Variants in PDE4D observed in about 807,000 individuals in gnomAD.
PDE4D encodes the protein 3',5'-cyclic-AMP phosphodiesterase 4D.
PDE4D carries 24 observed loss-of-function variants against 87.4 expected under a neutral mutation model. The ratio of observed to expected loss-of-function variants is 0.27; its 90% CI spans 0.20 to 0.39. The LOEUF (loss-of-function observed/expected upper bound fraction) is 0.39, where lower values mean the gene tolerates loss of function less well. PDE4D is among the 10% of genes least tolerant of loss of function. PDE4D has a pLI of 1.00. For missense variants in PDE4D, 714 were observed against 1,041.0 expected (o/e 0.69, Z 4.32); for synonymous variants, 384 against 383.2 (o/e 1.00, Z -0.02).
At chr5:59,235,409 A>ATAAG (rs1756191049) in intron 1 of PDE4D, among the ~76,000 whole-genome samples, 1 of 152,302 alleles carries the variant, frequency 6.6e-6, no homozygotes, top group South Asian at 2.1e-4. Flanking sequence ...ACCCTGGGCA[A>ATAAG]TAAGTGATGG....
At chr5:59,263,323 G>A (rs767696569) in intron 1 of PDE4D, among the ~76,000 whole-genome samples, 14 of 151,832 alleles carry the variant, frequency 9.2e-5, no homozygotes, top group South Asian at 2.1e-4. Context: ...GGAGAGGTAC[G>A]TGAGACAGAA....
intron 1 of PDE4D, among the ~76,000 whole-genome samples, chr5:59,255,197 G>A (rs559432022): frequency 1.1e-3 from 165 of 152,184 alleles, no homozygotes; most frequent in African/African-American, 3.7e-3. Context: ...GCAAAATGTG[G>A]TATATTCATA....
intron 1 of PDE4D, among the ~76,000 whole-genome samples, chr5:60,395,302 G>GC (rs1762814490): frequency 6.7e-6 from 1 of 150,190 alleles, no homozygotes; most frequent in African/African-American, 2.4e-5. Context: ...AAAATGTAAG[G>GC]TTTTTTTTTT....
At chr5:60,137,024 C>G (rs6887486) in intron 2 of PDE4D, among the ~76,000 whole-genome samples, 14 of 151,986 alleles carry the variant, frequency 9.2e-5, no homozygotes, top group African/African-American at 1.7e-4. Flanking sequence ...TGTGTCCATG[C>G]GTTCTGATCA....
chr5:59,372,820 G>A (rs1323602304), intron 1 of PDE4D, among the ~76,000 whole-genome samples: 2 of 152,150 alleles, frequency 1.3e-5, no homozygotes, highest in African/African-American at 2.4e-5. Flanking sequence ...ACCCCTAGCT[G>A]AGTGGATTCC....
intron 1 of PDE4D, among the ~76,000 whole-genome samples, chr5:59,322,439 T>G (rs1774883191): frequency 1.3e-5 from 2 of 152,040 alleles, no homozygotes; most frequent in East Asian, 1.9e-4. Flanking sequence ...GTCATCCCTT[T>G]GAAAAGCACA....
chr5:60,320,908 C>T (rs1050299587), intron 1 of PDE4D, among the ~76,000 whole-genome samples: 1 of 152,078 alleles, frequency 6.6e-6, no homozygotes, highest in African/African-American at 2.4e-5. Flanking sequence ...GGAAATAACA[C>T]AATCCAATAA....
At chr5:59,428,833 A>C (rs1458684886) in intron 1 of PDE4D, among the ~76,000 whole-genome samples, 1 of 152,146 alleles carries the variant, frequency 6.6e-6, no homozygotes, top group African/African-American at 2.4e-5. Flanking sequence ...TTTTTATATA[A>C]AATTTATTTA....
chr5:60,010,700 G>C (rs1387727418), intron 2 of PDE4D, among the ~76,000 whole-genome samples: 10 of 152,064 alleles, frequency 6.6e-5, no homozygotes, highest in Non-Finnish European at 1.3e-4. Context: ...ATATTATGAT[G>C]CAGACTGAAT....
At chr5:59,671,947 T>C (rs1357861725) in intron 1 of PDE4D, among the ~76,000 whole-genome samples, 1 of 152,192 alleles carries the variant, frequency 6.6e-6, no homozygotes, top group Non-Finnish European at 1.5e-5. Flanking sequence ...AAAATCTTCA[T>C]TTTCTAGGAG....
At chr5:59,570,613 T>C (rs1461996309) in intron 1 of PDE4D, among the ~76,000 whole-genome samples, 2 of 150,622 alleles carry the variant, frequency 1.3e-5, no homozygotes, top group Non-Finnish European at 2.9e-5. Context: ...TTAAACACAA[T>C]GCTTTCAGGA....
intron 1 of PDE4D, among the ~76,000 whole-genome samples, chr5:60,373,328 A>G (rs192352729): frequency 1.3e-5 from 2 of 152,266 alleles, no homozygotes; most frequent in Admixed American, 6.5e-5. Flanking sequence ...GGAGCTGGCC[A>G]TGTACTCTCT....
At chr5:59,565,184 G>A (rs1467280579) in intron 1 of PDE4D, among the ~76,000 whole-genome samples, 1 of 152,072 alleles carries the variant, frequency 6.6e-6, no homozygotes. Flanking sequence ...AAGAGAAGGA[G>A]AATGGGACAG....
chr5:59,054,149 T>C (rs1200685067), intron 5 of PDE4D, among the ~76,000 whole-genome samples: 1 of 152,182 alleles, frequency 6.6e-6, no homozygotes, highest in Non-Finnish European at 1.5e-5. Flanking sequence ...AGTGTCTTTC[T>C]TCATCACCTT....
chr5:60,517,899 G>A (rs1375232362), intron 1 of PDE4D, among the ~76,000 whole-genome samples: 1 of 152,202 alleles, frequency 6.6e-6, no homozygotes, highest in Non-Finnish European at 1.5e-5. Context: ...CCATGTTGCA[G>A]GTGAGAAGAG....
chr5:59,024,564 T>A (rs1054730374), intron 6 of PDE4D, among the ~76,000 whole-genome samples: 2 of 152,188 alleles, frequency 1.3e-5, no homozygotes, highest in African/African-American at 4.8e-5. Flanking sequence ...TCTGTAATGA[T>A]GCATTCTCTT....
At position 59,172,077 on chromosome 5, in the gene PDE4D, A is replaced by T. The variant is rs376060930; in HGVS notation, c.808+8518T>A. Among the ~76,000 whole-genome samples, 3 of 7,860 alleles carry T rather than the reference A, an allele frequency of 3.8e-4. 1 individual carries two copies. The highest frequency in any genetic ancestry group is 2.1e-3 in the African/African-American group (3 of 1,450). 5.2% of individuals were successfully genotyped at this position (7,860 alleles called of 152,430 possible). A position where few individuals can be genotyped will look rare whatever the true frequency, so the allele number is the denominator to read the frequency against. ...TATATATTATATATATAATAAATAT[A>T]TATTATATATATAATAAATATATAT... is the stretch of plus-strand genomic sequence containing the variant. On this transcript the variant is annotated intron_variant, in intron 5 of 14. Transcript: ENST00000340635.
intron 1 of PDE4D, among the ~76,000 whole-genome samples, chr5:60,473,838 T>G (rs1208949140): frequency 6.6e-6 from 1 of 151,796 alleles, no homozygotes; most frequent in Non-Finnish European, 1.5e-5. Context: ...CACTGTTTGA[T>G]GTACCATGCC....
At chr5:60,165,221 T>C (rs1326665535) in intron 2 of PDE4D, among the ~76,000 whole-genome samples, 2 of 152,212 alleles carry the variant, frequency 1.3e-5, no homozygotes, top group East Asian at 1.9e-4. Flanking sequence ...GGTGATTCCA[T>C]ATCTTGGCTA....
Sources: gnomAD v4.1 joint callset for allele counts (sites outside exome capture counted in the v4.1 genomes callset) on GRCh38, gnomAD v4.1.1 for gene constraint, MANE v1.5 for transcripts, NCBI Gene and HGNC (gene_info 2026-07-23, HGNC 2026-07-21) for gene names.